The following HSP90AB1 variants were observed in gnomAD, a reference collection of about 807,000 sequenced individuals.
The protein encoded by HSP90AB1 is heat shock protein 90 alpha family class B member 1, also known as heat shock protein HSP 90-beta.
HSP90AB1 carries 17 observed loss-of-function variants against 67.8 expected under a neutral mutation model. The observed-to-expected ratio is 0.25, with a 90% confidence interval of 0.17 to 0.38. HSP90AB1 has a LOEUF of 0.38. HSP90AB1 is among the 10% of genes least tolerant of loss of function. The pLI, the probability that HSP90AB1 is intolerant of heterozygous loss-of-function variation, is 1.00. For missense variants in HSP90AB1, 690 were observed against 899.9 expected, an observed-to-expected ratio of 0.77 and a Z score of 2.98; for synonymous variants, 390 against 312.9, an observed-to-expected ratio of 1.25 and a Z score of -2.60.
chr6:44,253,813 GTTTA>G lies in HSP90AB1; in HGVS notation c.*219_*222del. 1.3e-6 allele frequency: 1 copy of G among 765,326 alleles called. No homozygotes were observed. Among genetic ancestry groups the G allele is most frequent in the South Asian group, 1.4e-5 (1 of 73,554 alleles). The allele number at this position is 765,326 out of a possible 1,614,324, so 47.4% of individuals were successfully genotyped here. On this transcript the variant is annotated 3_prime_UTR_variant, in exon 12 of 12. Coordinates refer to ENST00000371646, the MANE Select transcript of HSP90AB1 (RefSeq NM_007355.4). Reference sequence around the variant, plus strand: ...GCAGGATTGGATGTTGTGTATTGTGGTTTATTTTATTTTCTTCATTTTGTTCTGA... The same window carrying G: ...GCAGGATTGGATGTTGTGTATTGTGGTTTTATTTTCTTCATTTTGTTCTGA...
intron 10 of HSP90AB1, 60 bp downstream of exon 10, chr6:44,252,327 A>G (rs1260532281): frequency 3.4e-5 from 52 of 1,509,778 alleles, no homozygotes; most frequent in Non-Finnish European, 4.4e-5. Context: ...CTCCCTCACA[A>G]GCATGTTTCT....
Position 44,250,567 on chromosome 6 carries a change from A to C in HSP90AB1, c.925A>C (p.Thr309Pro), listed in dbSNP as rs1780506471. 6.2e-7 allele frequency: 1 copy of C among 1,612,576 alleles called. No individual in the cohort carries two copies. The highest frequency in any genetic ancestry group is 1.7e-5 in the Admixed American group (1 of 59,836). The change falls in exon 6 of 12, where the codon ACT (threonine) becomes CCT (proline). Residue 309 changes from threonine to proline, a missense_variant. This residue lies in a region of HSP90AB1 where 101 missense variants were observed against 174.8 expected (regional missense o/e 0.58). Transcript: ENST00000371646. ...EEYGEFYKSL[T>P]NDWEDHLAVK... ...GTATGGAGAATTCTACAAGAGCCTC[A>C]CTAATGACTGGGAAGACCACTTGGC...
Position 44,249,574 on chromosome 6 carries a change from G to A in HSP90AB1, c.345G>A (p.Glu115=), listed in dbSNP as rs751437633. 1.9e-6 allele frequency: 3 copies of A among 1,613,918 alleles called. No individual in the cohort carries two copies. The highest frequency in any genetic ancestry group is 2.5e-6 in the Non-Finnish European group (3 of 1,179,818). Residue 115 remains glutamate (E), a synonymous_variant, in exon 3 of 12, where the codon GAG becomes GAA. Transcript: ENST00000371646. ...AGTCTGGTACTAAAGCATTCATGGA[G>A]GCTCTTCAGGTATTGCAGTTCTGTA... ...IAKSGTKAFM[E]ALQAGADISM... is the part of the protein sequence containing the mutation.
upstream of HSP90AB1, among the ~76,000 whole-genome samples, chr6:44,246,706 C>G (rs1006235214): frequency 6.6e-6 from 1 of 152,168 alleles, no homozygotes; most frequent in Non-Finnish European, 1.5e-5. Flanking sequence ...GAGCGGTGGT[C>G]CGCGTGGTTA....
intron 1 of HSP90AB1, 81 bp from the exon 2 acceptor site, chr6:44,248,549 C>T (rs1343428364): frequency 8.9e-6 from 12 of 1,344,756 alleles, no homozygotes; most frequent in African/African-American, 2.9e-5. Flanking sequence ...TGTCTAAGGT[C>T]CTAACAAATG....
chr6:44,248,590 C>T (rs1780265403), intron 1 of HSP90AB1, 40 bp from the exon 2 acceptor site: 4 of 1,583,278 alleles, frequency 2.5e-6, no homozygotes, highest in Non-Finnish European at 3.4e-6. Context: ...AAACATGGGG[C>T]CTTAGTGTTC....
chr6:44,248,871 A>G (rs1780299941), intron 2 of HSP90AB1, 95 bp downstream of exon 2: 2 of 1,100,300 alleles, frequency 1.8e-6, no homozygotes, highest in Non-Finnish European at 2.7e-6. Context: ...GGGGACTACT[A>G]TTGAAGGGGG....
At chr6:44,248,367 A>C (rs756693025) in intron 1 of HSP90AB1, among the ~76,000 whole-genome samples, 1 of 152,214 alleles carries the variant, frequency 6.6e-6, no homozygotes, top group Non-Finnish European at 1.5e-5. Flanking sequence ...GCTGGTCACC[A>C]TTCTTTAAGT....
rs776910525 is a variant in HSP90AB1 at position 44,251,155 on chromosome 6, C to T, written c.1065C>T (p.Leu355=). The T allele has an allele frequency of 3.1e-6, 5 of 1,614,230 alleles. No homozygotes were observed. The South Asian group carries it at 4.4e-5, about 14-fold the overall frequency. ...AGAAGAAAAAGAACAACATCAAACT[C>T]TATGTCCGCCGTGTGTTCATCATGG... ...ENKKKKNNIK[L]YVRRVFIMDS... The change falls in exon 7 of 12, where the codon CTC becomes CTT. Residue 355 remains leucine (L), a synonymous_variant. Coordinates refer to ENST00000371646, the MANE Select transcript of HSP90AB1 (RefSeq NM_007355.4).
intron 9 of HSP90AB1, 25 bp from the exon 10 acceptor site, chr6:44,251,974 C>G (rs768451531): frequency 1.2e-6 from 2 of 1,613,908 alleles, no homozygotes; most frequent in Admixed American, 3.3e-5. Context: ...ATTTTAGTCA[C>G]TGAGTTCATT....
chr6:44,253,384 T>C lies in HSP90AB1; in HGVS notation c.2065+6T>C, dbSNP rs779273380. ...CATGATCAAGCTAGGTCTAGGTAAG[T>C]AGCTTTGGTACTTGGTGTGGCAAGG... On this transcript the variant is annotated splice_donor_region_variant and intron_variant, in intron 11 of 11. Coordinates refer to ENST00000371646, the MANE Select transcript of HSP90AB1 (RefSeq NM_007355.4). The C allele has an allele frequency of 1.1e-5, 17 of 1,612,038 alleles. No homozygotes were observed. Among genetic ancestry groups the C allele is most frequent in the Non-Finnish European group, 8.5e-7 (1 of 1,178,598 alleles).
intron 1 of HSP90AB1, chr6:44,248,152 C>T (rs760711800): frequency 6.4e-6 from 1 of 156,476 alleles, no homozygotes; most frequent in Non-Finnish European, 1.4e-5. Flanking sequence ...TTGGACTGGT[C>T]TTAGGAACTG....
Position 44,253,674 on chromosome 6 carries a change from C to A in HSP90AB1, c.*76C>A. 1 of 1,037,392 alleles carries A rather than the reference C, an allele frequency of 9.6e-7. No homozygotes were observed. The highest frequency in any genetic ancestry group is 1.5e-6 in the Non-Finnish European group (1 of 653,486). 64.3% of individuals were successfully genotyped at this position (1,037,392 alleles called of 1,614,324 possible). A position where few individuals can be genotyped will look rare whatever the true frequency, so the allele number is the denominator to read the frequency against. On this transcript the variant is annotated 3_prime_UTR_variant, in exon 12 of 12. Transcript: ENST00000371646. ...GGCTCCCACTGCAGCCTCGAGTGCC[C>A]CTGTCCCACCTGGCTCCCCCTGCTG... is the stretch of plus-strand genomic sequence containing the variant.
intron 1 of HSP90AB1, 117 bp downstream of exon 1, chr6:44,247,312 C>G (rs1003284285): frequency 6.6e-6 from 1 of 152,026 alleles, no homozygotes; most frequent in Non-Finnish European, 1.5e-5. Context: ...TTGTGGATAA[C>G]GCTCTGGATT....
At position 44,251,407 on chromosome 6, in the gene HSP90AB1, G is replaced by T. The variant is rs768880156; in HGVS notation, c.1124-11G>T. The T allele has an allele frequency of 6.3e-7, 1 of 1,598,248 alleles. No individual in the cohort carries two copies. Among genetic ancestry groups the T allele is most frequent in the Non-Finnish European group, 8.5e-7 (1 of 1,171,100 alleles). Reference sequence around the variant, plus strand: ...TTTTTTACTGAGCTTTCTCACCCTGGTTGATGGCAGATTTTATCCGTGGTG... The same window carrying T: ...TTTTTTACTGAGCTTTCTCACCCTGTTTGATGGCAGATTTTATCCGTGGTG... On this transcript the variant is annotated splice_polypyrimidine_tract_variant and intron_variant, in intron 7 of 11. Coordinates refer to ENST00000371646, the MANE Select transcript of HSP90AB1 (RefSeq NM_007355.4).
chr6:44,253,070 C>G lies in HSP90AB1; in HGVS notation c.1757C>G (p.Ser586Cys). 3 of 1,613,984 alleles carry G rather than the reference C, an allele frequency of 1.9e-6. No homozygotes were observed. Among genetic ancestry groups the G allele is most frequent in the Non-Finnish European group, 2.5e-6 (3 of 1,179,868 alleles). Residue 586 changes from serine (S) to cysteine (C), a missense_variant, in exon 11 of 12, where the codon TCT becomes TGT. Transcript: ENST00000371646. Reference protein sequence around the residue: ...EKVTISNRLVSSPCCIVTSTY... With the variant: ...EKVTISNRLVCSPCCIVTSTY... ...GTGACAATCTCCAATAGACTTGTGT[C>G]TTCACCTTGCTGCATTGTGACCAGC...
chr6:44,248,633 C>T lies in HSP90AB1; in HGVS notation c.4C>T (p.Pro2Ser). ...ATTAATGAGATTTTTATTTTAGATG[C>T]CTGAGGAAGTGCACCATGGAGAGGA... MPEEVHHGEEEV... is the reference protein window; with the variant it reads MSEEVHHGEEEV... The change falls in exon 2 of 12, where the codon CCT becomes TCT. Residue 2 changes from proline to serine, a missense_variant. By Grantham distance (74) the Pro-to-Ser change is moderately conservative (BLOSUM62 -1). Coordinates refer to ENST00000371646, the MANE Select transcript of HSP90AB1 (RefSeq NM_007355.4). 5 of 1,602,116 alleles carry T rather than the reference C, an allele frequency of 3.1e-6. No homozygotes were observed. Among genetic ancestry groups the T allele is most frequent in the Admixed American group, 3.6e-5 (2 of 55,650 alleles).
At position 44,253,599 on chromosome 6, in the gene HSP90AB1, G is replaced by A. The variant is rs35612006; in HGVS notation, c.*1G>A. ...GTCTCGCATGGAAGAAGTCGATTAG[G>A]TTAGGAGTTCATAGTTGGAAAACTT... On this transcript the variant is annotated 3_prime_UTR_variant, in exon 12 of 12. Coordinates refer to ENST00000371646, the MANE Select transcript of HSP90AB1 (RefSeq NM_007355.4). 2.5e-3 allele frequency: 4,080 copies of A among 1,611,166 alleles called. 6 individuals carry two copies. Among genetic ancestry groups the A allele is most frequent in the Non-Finnish European group, 3.1e-3 (3,678 of 1,177,312 alleles).
intron 1 of HSP90AB1, 76 bp downstream of exon 1, chr6:44,247,271 T>C (rs894070109): frequency 3.7e-4 from 57 of 152,306 alleles, no homozygotes; most frequent in African/African-American, 1.3e-3. Flanking sequence ...TTCTGTCCTT[T>C]AGGGAGCCTT....
Sources: gnomAD v4.1 joint callset for allele counts (sites outside exome capture counted in the v4.1 genomes callset) on GRCh38, gnomAD v4.1.1 for gene constraint, gnomAD v4.1.1 regional missense constraint, MANE v1.5 for transcripts, NCBI Gene and HGNC (gene_info 2026-07-23, HGNC 2026-07-21) for gene names.